The following SORBS2 variants were observed in gnomAD, a reference collection of about 807,000 sequenced individuals.
SORBS2 encodes sorbin and SH3 domain containing 2, also known as sorbin and SH3 domain-containing protein 2.
In SORBS2, 46 loss-of-function variants were observed where a neutral mutation model predicts 97.7. The ratio of observed to expected loss-of-function variants is 0.47; its 90% CI spans 0.37 to 0.60. The LOEUF is 0.60. SORBS2 is among the 20% of genes least tolerant of loss of function. The pLI is 0.00. For missense variants in SORBS2, 1,316 were observed against 1,282.3 expected (o/e 1.03, Z -0.40); for synonymous variants, 476 against 473.4 (o/e 1.01, Z -0.07).
chr4:185,623,721 G>T lies in SORBS2; in HGVS notation c.1408C>A (p.Arg470=), dbSNP rs768984472. The T allele has an allele frequency of 2.5e-6, 4 of 1,613,898 alleles. No individual in the cohort carries two copies. Among genetic ancestry groups the T allele is most frequent in the Middle Eastern group, 3.3e-4 (2 of 6,062 alleles). The change falls in exon 7 of 15, where the codon CGG becomes AGG. Residue 470 remains arginine (R), a synonymous_variant. Coordinates refer to ENST00000418609, the Ensembl canonical transcript of SORBS2. The surrounding 1 kb of genome is among the most constrained non-coding windows in gnomAD (Gnocchi z 6.4). ...TTAGACTGGCAGCCTCGCCGGCCCC[G>T]AGCGGGGGGGCCGCTTTGATTTTCT... is the stretch of plus-strand genomic sequence containing the variant.
At chr4:185,794,958 T>C (rs2099098085) in intron 1 of SORBS2, among the ~76,000 whole-genome samples, 1 of 152,086 alleles carries the variant, frequency 6.6e-6, no homozygotes, top group Non-Finnish European at 1.5e-5. Context: ...TAACTCAAAG[T>C]CATTAATCAT....
In SORBS2 at chr4:185,848,618, CTTTTTTTTTTTTTTT is replaced by C. The variant is rs537195530; in HGVS notation, c.-337-73267_-337-73253del. ...TTAAATGTTCTTTATAAGGATATCT[CTTTTTTTTTTTTTTT>C]TTTTTTTTTTTTTTTTTTTTTTTTT... On this transcript the variant is annotated intron_variant, in intron 1 of 20. Transcript: ENST00000284776. Among the ~76,000 whole-genome samples, 184 of 75,634 alleles carry C rather than the reference CTTTTTTTTTTTTTTT, an allele frequency of 2.4e-3. 4 individuals are homozygous for C. The highest frequency in any genetic ancestry group is 9.5e-3 in the African/African-American group (164 of 17,236). The allele number at this position is 75,634 out of a possible 152,430, so 49.6% of individuals were successfully genotyped here.
intron 2 of SORBS2, among the ~76,000 whole-genome samples, chr4:185,709,260 C>T (rs1562045074): frequency 7.0e-6 from 1 of 143,646 alleles, no homozygotes; most frequent in Non-Finnish European, 1.5e-5. Flanking sequence ...CTTGGCCTCC[C>T]AAAGTGCTGG....
chr4:185,715,124 C>G (rs2098455468), intron 2 of SORBS2, among the ~76,000 whole-genome samples: 1 of 152,180 alleles, frequency 6.6e-6, no homozygotes, highest in Non-Finnish European at 1.5e-5. Flanking sequence ...AATAAATTTA[C>G]TTAATCATTA....
chr4:185,789,114 C>A (rs1168064768), intron 1 of SORBS2, among the ~76,000 whole-genome samples: 1 of 152,178 alleles, frequency 6.6e-6, no homozygotes, highest in Non-Finnish European at 1.5e-5. Context: ...GATCAAGGAC[C>A]AGGTCAGGTC....
At chr4:185,667,088 C>T (rs1245466375) in intron 4 of SORBS2, among the ~76,000 whole-genome samples, 1 of 152,140 alleles carries the variant, frequency 6.6e-6, no homozygotes, top group Non-Finnish European at 1.5e-5. Flanking sequence ...ATGATAAGTA[C>T]TCAATTCAAC....
At chr4:185,747,726 G>A (rs957367418) in intron 2 of SORBS2, among the ~76,000 whole-genome samples, 4 of 152,164 alleles carry the variant, frequency 2.6e-5, no homozygotes, top group Admixed American at 6.5e-5. Context: ...TTGCTCGGGC[G>A]CGGTGGCTCA....
At chr4:185,722,350 T>G (rs1194158825) in intron 2 of SORBS2, among the ~76,000 whole-genome samples, 3 of 152,260 alleles carry the variant, frequency 2.0e-5, no homozygotes, top group African/African-American at 7.2e-5. Flanking sequence ...TCTAATTAGC[T>G]ATGATAAATT....
At chr4:185,933,096 C>T (rs768985619) in intron 1 of SORBS2, 1 of 152,190 alleles carries the variant, frequency 6.6e-6, no homozygotes. Context: ...TTCAGAAAGA[C>T]AAAGTTGATT....
intron 2 of SORBS2, among the ~76,000 whole-genome samples, chr4:185,725,205 A>G (rs1053693665): frequency 6.6e-6 from 1 of 152,214 alleles, no homozygotes; most frequent in Non-Finnish European, 1.5e-5. Context: ...GTCAACAGCT[A>G]GAAACCATCA....
At chr4:185,636,735 G>T (rs937813959) in intron 4 of SORBS2, among the ~76,000 whole-genome samples, 1 of 148,882 alleles carries the variant, frequency 6.7e-6, no homozygotes, top group South Asian at 2.1e-4. Flanking sequence ...TGCAATCTCC[G>T]CCTCCCAGGT....
chr4:185,640,437 TAATA>T (rs1332661014), intron 4 of SORBS2, among the ~76,000 whole-genome samples: 4 of 152,352 alleles, frequency 2.6e-5, no homozygotes, highest in Non-Finnish European at 4.4e-5. Context: ...GTTATTTTTG[TAATA>T]AATAAATTCA....
intron 2 of SORBS2, 120 bp downstream of exon 4, chr4:185,690,442 T>C: frequency 1.9e-6 from 1 of 537,466 alleles, no homozygotes; most frequent in Non-Finnish European, 3.3e-6. Context: ...CTATGCTATG[T>C]ATCTAATCAG....
At chr4:185,750,172 A>G (rs2098790739) in intron 2 of SORBS2, among the ~76,000 whole-genome samples, 1 of 152,242 alleles carries the variant, frequency 6.6e-6, no homozygotes, top group African/African-American at 2.4e-5. Flanking sequence ...AACTCACAGC[A>G]AGTTCTTAAG....
rs2096440689 is a variant in SORBS2, at chr4:185,607,035, A to C, written c.2796+4745T>G. 9.8e-7 allele frequency: 1 copy of C among 1,021,566 alleles called. No homozygotes were observed. Among genetic ancestry groups the C allele is most frequent in the Non-Finnish European group, 1.2e-6 (1 of 851,452 alleles). 63.3% of individuals were successfully genotyped at this position (1,021,566 alleles called of 1,614,324 possible). ...CTGCAGCCGAGGCCACACCCGCGTG[A>C]GTGGAAGGTGATTCGGCAGGTGCAG... is the stretch of plus-strand genomic sequence containing the variant. On this transcript the variant is annotated intron_variant, in intron 12 of 14. Coordinates refer to ENST00000418609, the Ensembl canonical transcript of SORBS2. The surrounding 1 kb of genome is among the most constrained non-coding windows in gnomAD (Gnocchi z 5.2).
At chr4:185,592,502 C>A (rs2095972873) in intron 13 of SORBS2, among the ~76,000 whole-genome samples, 1 of 152,148 alleles carries the variant, frequency 6.6e-6, no homozygotes, top group African/African-American at 2.4e-5. Context: ...AGAGAACAAA[C>A]AAAAGCTTTA....
intron 2 of SORBS2, among the ~76,000 whole-genome samples, chr4:185,707,894 C>T (rs2098369220): frequency 1.3e-5 from 2 of 152,204 alleles, no homozygotes; most frequent in Admixed American, 1.3e-4. Context: ...CCTCCCATGA[C>T]ACGTGGGATT....
In SORBS2 at chr4:185,651,945, T is replaced by C. The variant is rs796529244; in HGVS notation, c.91+717A>G. The C allele has an allele frequency of 2.4e-5, 16 of 667,986 alleles. No individual in the cohort carries two copies. The African/African-American group carries it at 2.8e-4, about 12-fold the overall frequency. The allele number at this position is 667,986 out of a possible 1,614,324, so 41.4% of individuals were successfully genotyped here. A position where few individuals can be genotyped will look rare whatever the true frequency, so the allele number is the denominator to read the frequency against. The stretch of plus-strand genomic sequence containing the variant: ...TAGAAAAGCAACGTATTTTTCCTAG[T>C]TCATAATGCCATTTTCTTTCTTTTT... On this transcript the variant is annotated intron_variant, in intron 2 of 14. Coordinates refer to ENST00000418609, the Ensembl canonical transcript of SORBS2.
At chr4:185,630,460 T>C (rs2096888733) in intron 5 of SORBS2, 89 bp downstream of exon 17, 1 of 707,916 alleles carries the variant, frequency 1.4e-6, no homozygotes, top group Admixed American at 2.9e-5. Context: ...TGATACATGA[T>C]ACTCATTACT....
Sources: gnomAD v4.1 joint callset for allele counts (sites outside exome capture counted in the v4.1 genomes callset) on GRCh38, gnomAD v4.1.1 for gene constraint, Gnocchi (gnomAD v3.1) non-coding constraint, MANE v1.5 for transcripts, NCBI Gene and HGNC (gene_info 2026-07-23, HGNC 2026-07-21) for gene names.